DSCAM: variants seen among roughly 807,000 people sequenced by gnomAD.
The protein encoded by DSCAM is cell adhesion molecule DSCAM.
Under a neutral mutation model 217.7 loss-of-function variants are expected in DSCAM, and 47 were observed. The observed-to-expected ratio is 0.22, with a 90% CI of 0.17 to 0.28. DSCAM has a LOEUF of 0.28. Among genes scored for constraint, DSCAM ranks in the 10% least tolerant of loss-of-function variants. The probability of loss-of-function intolerance (pLI) is 1.00; values close to 1 mark genes in which losing one functional copy is unlikely to be tolerated. For synonymous variants in DSCAM, 1,056 were observed against 1,015.3 expected, an observed-to-expected ratio of 1.04 and a Z score of -0.76; for missense variants, 2,080 against 2,618.3, an observed-to-expected ratio of 0.79 and a Z score of 4.49.
At chr21:40,547,860 C>T (rs1056941306) in intron 3 of DSCAM, among the ~76,000 whole-genome samples, 1 of 152,218 alleles carries the variant, frequency 6.6e-6, no homozygotes, top group African/African-American at 2.4e-5. Context: ...CTGAGAAAGG[C>T]AGGGAGCAAG....
intron 10 of DSCAM, among the ~76,000 whole-genome samples, chr21:40,280,662 G>C (rs1251569968): frequency 1.3e-5 from 2 of 152,194 alleles, no homozygotes; most frequent in African/African-American, 4.8e-5. Context: ...AATACCTTCA[G>C]AGAGATTACG....
intron 18 of DSCAM, among the ~76,000 whole-genome samples, chr21:40,135,613 C>T (rs1191753375): frequency 1.3e-5 from 2 of 152,158 alleles, no homozygotes; most frequent in African/African-American, 4.8e-5. Flanking sequence ...TGCTTTTTGC[C>T]TGTCTTGGTT....
chr21:40,202,141 A>G (rs1310122918), intron 11 of DSCAM, among the ~76,000 whole-genome samples: 3 of 152,182 alleles, frequency 2.0e-5, no homozygotes, highest in Non-Finnish European at 4.4e-5. Context: ...TGAGAAGGAC[A>G]AGTCTTGGGC....
chr21:40,662,701 GA>G (rs2090151545), intron 3 of DSCAM, among the ~76,000 whole-genome samples: 1 of 152,082 alleles, frequency 6.6e-6, no homozygotes, highest in Non-Finnish European at 1.5e-5. Context: ...TGCCCTCAGA[GA>G]GCCACAAGAC....
chr21:40,808,578 T>C (rs573538332), intron 1 of DSCAM, among the ~76,000 whole-genome samples: 2 of 151,788 alleles, frequency 1.3e-5, no homozygotes, highest in Admixed American at 1.3e-4. Flanking sequence ...GGCTCAAGTG[T>C]TCCTCTTGCT....
chr21:40,266,344 CA>C (rs1373577842), intron 11 of DSCAM, among the ~76,000 whole-genome samples: 1 of 151,924 alleles, frequency 6.6e-6, no homozygotes, highest in Non-Finnish European at 1.5e-5. Context: ...AAAAAGTTAA[CA>C]AACAATAGAT....
chr21:40,026,298 G>A (rs931870967), intron 32 of DSCAM, among the ~76,000 whole-genome samples: 1 of 140,068 alleles, frequency 7.1e-6, no homozygotes, highest in African/African-American at 2.6e-5. Flanking sequence ...CCAAGTATGT[G>A]GTCAATTTTG....
chr21:40,114,175 A>G (rs1302150062), intron 20 of DSCAM, among the ~76,000 whole-genome samples: 2 of 147,004 alleles, frequency 1.4e-5, no homozygotes, highest in Non-Finnish European at 3.0e-5. Flanking sequence ...CTACAAGGCT[A>G]CAGTAACCAA....
intron 11 of DSCAM, among the ~76,000 whole-genome samples, chr21:40,213,449 C>G (rs940746023): frequency 6.6e-6 from 1 of 152,190 alleles, no homozygotes; most frequent in African/African-American, 2.4e-5. Flanking sequence ...CAAGTTTCCA[C>G]CAAAATACCT....
intron 3 of DSCAM, among the ~76,000 whole-genome samples, chr21:40,426,830 C>G (rs1311380963): frequency 6.6e-6 from 1 of 151,994 alleles, no homozygotes; most frequent in African/African-American, 2.4e-5. Context: ...GGACAATGTC[C>G]ACAGTCATTC....
At chr21:40,364,470 T>C (rs982715538) in intron 4 of DSCAM, among the ~76,000 whole-genome samples, 13 of 140,654 alleles carry the variant, frequency 9.2e-5, no homozygotes, top group African/African-American at 3.4e-4. Flanking sequence ...TAGGTGGGAA[T>C]TGAACAATGA....
At chr21:40,031,978 C>G (rs2088534224) in intron 32 of DSCAM, among the ~76,000 whole-genome samples, 1 of 152,196 alleles carries the variant, frequency 6.6e-6, no homozygotes, top group African/African-American at 2.4e-5. Flanking sequence ...TGCCCCTAGT[C>G]TCCAGCCTTC....
At chr21:40,097,965 A>G (rs1470522520) in intron 20 of DSCAM, among the ~76,000 whole-genome samples, 1 of 57,978 alleles carries the variant, frequency 1.7e-5, no homozygotes, top group Non-Finnish European at 3.2e-5. Flanking sequence ...AAAGAAAGAA[A>G]GAAAGAAAGA....
intron 1 of DSCAM, among the ~76,000 whole-genome samples, chr21:40,759,953 G>A (rs952157384): frequency 6.8e-6 from 1 of 147,476 alleles, no homozygotes; most frequent in African/African-American, 2.5e-5. Context: ...TATTGGATAC[G>A]TTTACATTTA....
intron 3 of DSCAM, among the ~76,000 whole-genome samples, chr21:40,497,079 T>C (rs919788517): frequency 6.6e-6 from 1 of 152,160 alleles, no homozygotes; most frequent in South Asian, 2.1e-4. Flanking sequence ...GGAAACAGTA[T>C]AGAGGTTCTT....
chr21:40,316,471 G>A (rs1193438855), intron 8 of DSCAM, among the ~76,000 whole-genome samples: 2 of 152,160 alleles, frequency 1.3e-5, no homozygotes, highest in Non-Finnish European at 2.9e-5. Context: ...ATGGCACAAA[G>A]TAACTCCAGT....
chr21:40,404,739 G>C (rs998095858), intron 3 of DSCAM, among the ~76,000 whole-genome samples: 2 of 152,216 alleles, frequency 1.3e-5, no homozygotes, highest in East Asian at 3.8e-4. Context: ...GGAGGAAGGC[G>C]TGGTCCCTCC....
chr21:40,116,457 C>T (rs988422150), intron 20 of DSCAM, among the ~76,000 whole-genome samples: 20 of 152,180 alleles, frequency 1.3e-4, no homozygotes, highest in African/African-American at 4.8e-4. Context: ...TAGATGTAGC[C>T]TTGCCTCAAA....
intron 2 of DSCAM, among the ~76,000 whole-genome samples, chr21:40,696,404 G>A (rs1029786553): frequency 6.6e-6 from 1 of 152,194 alleles, no homozygotes; most frequent in Non-Finnish European, 1.5e-5. Flanking sequence ...AGCAAAGCAG[G>A]TGTGTGGTTT....
Sources: allele counts gnomAD v4.1 joint callset (sites outside exome capture counted in the v4.1 genomes callset), GRCh38; gene constraint gnomAD v4.1.1; transcripts MANE v1.5; gene names NCBI Gene and HGNC (gene_info 2026-07-23, HGNC 2026-07-21).